The following DENND5B variants were observed in gnomAD, a reference collection of about 807,000 sequenced individuals.
DENND5B encodes DENN domain containing 5B.
DENND5B carries 34 observed loss-of-function variants against 140.6 expected under a neutral mutation model. The observed-to-expected ratio is 0.24, with a 90% CI of 0.18 to 0.32. The LOEUF is 0.32. DENND5B is among the 10% of genes least tolerant of loss of function. The pLI, the probability that DENND5B is intolerant of heterozygous loss-of-function variation, is 1.00. For synonymous variants in DENND5B, 551 were observed against 562.1 expected (o/e 0.98, Z 0.28); for missense variants, 1,142 against 1,560.2 (o/e 0.73, Z 4.52).
At chr12:31,438,069 C>A (rs1454713187) in intron 7 of DENND5B, among the ~76,000 whole-genome samples, 1 of 152,142 alleles carries the variant, frequency 6.6e-6, no homozygotes, top group African/African-American at 2.4e-5. Context: ...GCAACCTCTG[C>A]CGCTCAAGTG....
intron 1 of DENND5B, among the ~76,000 whole-genome samples, chr12:31,563,131 G>T (rs1283376551): frequency 6.6e-6 from 1 of 152,074 alleles, no homozygotes; most frequent in African/African-American, 2.4e-5. Context: ...CACTGACCCT[G>T]GGGCCATGTT....
chr12:31,497,932 GGGGGAGGGGGCGGGGAGGAGA>G, intron 1 of DENND5B, among the ~76,000 whole-genome samples: 1 of 99,712 alleles, frequency 1.0e-5, no homozygotes, highest in South Asian at 4.7e-4. Flanking sequence ...GGCAAGGGCA[GGGGGAGGGGGCGGGGAGGAGA>G]GGGGAGGGGA....
chr12:31,424,757 A>C, intron 9 of DENND5B, 70 bp from the exon 10 acceptor site: 1 of 1,558,174 alleles, frequency 6.4e-7, no homozygotes, highest in Non-Finnish European at 8.7e-7. Context: ...CAATTACTAA[A>C]GTAGGAGACT....
intron 1 of DENND5B, among the ~76,000 whole-genome samples, chr12:31,582,045 T>C (rs1675559847): frequency 6.6e-6 from 1 of 152,196 alleles, no homozygotes; most frequent in Admixed American, 6.5e-5. Flanking sequence ...CAACCACAAT[T>C]TTTGGTTTTT....
chr12:31,413,584 G>T lies in DENND5B; in HGVS notation c.2553-20C>A. On this transcript the variant is annotated intron_variant, in intron 12 of 20. Coordinates refer to ENST00000389082, the MANE Select transcript of DENND5B (RefSeq NM_144973.4). Reference sequence around the variant, plus strand: ...ATATGCCTAAAGAATAGTGGCAACAGCAAAGATGTAGATTTTAAGGATAAC... The same window carrying T: ...ATATGCCTAAAGAATAGTGGCAACATCAAAGATGTAGATTTTAAGGATAAC... 1 of 1,603,026 alleles carries T rather than the reference G, an allele frequency of 6.2e-7. No homozygotes were observed. Among genetic ancestry groups the T allele is most frequent in the Non-Finnish European group, 8.5e-7 (1 of 1,172,736 alleles).
chr12:31,569,195 T>C (rs1949731596), intron 1 of DENND5B, among the ~76,000 whole-genome samples: 2 of 150,296 alleles, frequency 1.3e-5, no homozygotes, highest in Non-Finnish European at 1.5e-5. Context: ...GCCTACCGAG[T>C]AGCTGGGACC....
intron 14 of DENND5B, among the ~76,000 whole-genome samples, chr12:31,403,891 C>T (rs1233803942): frequency 4.6e-5 from 3 of 64,920 alleles, no homozygotes; most frequent in African/African-American, 1.2e-4. Flanking sequence ...AGTGAAACTC[C>T]ATCTCCAAAA....
intron 11 of DENND5B, among the ~76,000 whole-genome samples, chr12:31,417,276 G>A (rs1014302946): frequency 2.1e-5 from 3 of 143,432 alleles, no homozygotes; most frequent in African/African-American, 7.8e-5. Flanking sequence ...ACAATGGCAT[G>A]AACCCGGGAT....
chr12:31,587,360 A>C (rs1381298004), intron 1 of DENND5B, among the ~76,000 whole-genome samples: 1 of 152,002 alleles, frequency 6.6e-6, no homozygotes, highest in African/African-American at 2.4e-5. Context: ...AAAATCTTGG[A>C]GTCATCTTTG....
Position 31,479,606 on chromosome 12 carries a change from AT to A in DENND5B, c.886del (p.Ile296SerfsTer11). ...VFTCVLLEMQILLYSQDYQRL... is the reference protein window; with the variant it reads ...VFTCVLLEMQXLLYSQDYQRL... Reference sequence around the variant, plus strand: ...AAACCTACCTTGTGAGTAGAGAAGGATTTGCATCTCTAAAAGAACACAGGTA... The same window carrying A: ...AAACCTACCTTGTGAGTAGAGAAGGATTGCATCTCTAAAAGAACACAGGTA... On this transcript the variant is annotated frameshift_variant, in exon 3 of 21. Transcript: ENST00000389082. LOFTEE classifies it high-confidence loss of function. 6.7e-7 allele frequency: 1 copy of A among 1,499,058 alleles called. No homozygotes were observed. Among genetic ancestry groups the A allele is most frequent in the South Asian group, 1.4e-5 (1 of 70,512 alleles). 92.9% of individuals were successfully genotyped at this position (1,499,058 alleles called of 1,614,324 possible).
intron 3 of DENND5B, among the ~76,000 whole-genome samples, chr12:31,472,733 G>C (rs1356950671): frequency 2.0e-5 from 3 of 152,134 alleles, no homozygotes; most frequent in Non-Finnish European, 4.4e-5. Context: ...AGAAGGGAAA[G>C]ATTACAATTA....
At chr12:31,527,099 G>A (rs1948110466) in intron 1 of DENND5B, among the ~76,000 whole-genome samples, 1 of 151,942 alleles carries the variant, frequency 6.6e-6, no homozygotes, top group South Asian at 2.1e-4. Flanking sequence ...TATGAGAGAG[G>A]GTGATATGGA....
At chr12:31,392,775 C>T (rs1182399368) in intron 17 of DENND5B, 79 bp from the exon 18 acceptor site, 2 of 1,324,076 alleles carry the variant, frequency 1.5e-6, no homozygotes, top group Non-Finnish European at 2.1e-6. Context: ...ACTGTGTCCA[C>T]CTAGGCAGGA....
chr12:31,508,886 G>A (rs145509390), intron 1 of DENND5B, among the ~76,000 whole-genome samples: 2 of 152,302 alleles, frequency 1.3e-5, no homozygotes, highest in African/African-American at 4.8e-5. Context: ...CAGAGACTGT[G>A]ATTCTCAAAG....
At chr12:31,533,012 C>T (rs547058131) in intron 1 of DENND5B, among the ~76,000 whole-genome samples, 2 of 152,328 alleles carry the variant, frequency 1.3e-5, no homozygotes, top group East Asian at 1.9e-4. Context: ...ACTTGGACTA[C>T]ATCACCTGCA....
intron 15 of DENND5B, 79 bp from the exon 16 acceptor site, chr12:31,399,851 G>T: frequency 1.9e-6 from 2 of 1,071,672 alleles, no homozygotes; most frequent in South Asian, 1.5e-5. Context: ...CTTTGGTTCC[G>T]TCTAATTTAA....
chr12:31,467,366 T>C (rs113042211), intron 3 of DENND5B, among the ~76,000 whole-genome samples: 13,899 of 152,020 alleles, frequency 0.091, 870 homozygotes, highest in East Asian at 0.25. Context: ...GGCTCACACC[T>C]ATAATCCCAG....
At chr12:31,460,084 G>T in intron 4 of DENND5B, 110 bp downstream of exon 4, 1 of 1,060,760 alleles carries the variant, frequency 9.4e-7, no homozygotes, top group South Asian at 1.7e-5. Flanking sequence ...GGAGATTTAG[G>T]AGAGTCAAAG....
chr12:31,579,239 T>TCTTC (rs1950126249), intron 1 of DENND5B, among the ~76,000 whole-genome samples: 1 of 152,232 alleles, frequency 6.6e-6, no homozygotes, highest in African/African-American at 2.4e-5. Context: ...CTGAGAAAGC[T>TCTTC]AATCTTGCGG....
Sources: allele counts gnomAD v4.1 joint callset (sites outside exome capture counted in the v4.1 genomes callset), GRCh38; gene constraint gnomAD v4.1.1; transcripts MANE v1.5; gene names NCBI Gene and HGNC (gene_info 2026-07-23, HGNC 2026-07-21).